Variants in SNX29 observed in about 807,000 individuals in gnomAD.
SNX29 encodes sorting nexin 29.
SNX29 carries 78 observed loss-of-function variants against 102.1 expected under a neutral mutation model. The observed-to-expected ratio is 0.76, with a 90% CI of 0.64 to 0.92. SNX29 has a LOEUF of 0.92. Ranked by LOEUF, SNX29 falls within the 40% of genes least tolerant of loss-of-function variation. The pLI is 0.00. For missense variants in SNX29, 1,280 were observed against 1,061.7 expected, an observed-to-expected ratio of 1.21 and a Z score of -2.86; for synonymous variants, 580 against 414.5, an observed-to-expected ratio of 1.40 and a Z score of -4.85.
chr16:12,501,569 A>G (rs947130081), intron 19 of SNX29, among the ~76,000 whole-genome samples: 1 of 151,896 alleles, frequency 6.6e-6, no homozygotes, highest in Non-Finnish European at 1.5e-5. Context: ...TAAAAATACA[A>G]AAATTAGCTG....
chr16:12,150,967 C>A (rs1341773604), intron 13 of SNX29, among the ~76,000 whole-genome samples: 1 of 152,178 alleles, frequency 6.6e-6, no homozygotes, highest in Non-Finnish European at 1.5e-5. Context: ...TTTCAGAGGA[C>A]CTTCCCAGCA....
intron 13 of SNX29, among the ~76,000 whole-genome samples, chr16:12,148,407 C>G (rs1427941725): frequency 6.6e-6 from 1 of 152,148 alleles, no homozygotes; most frequent in Non-Finnish European, 1.5e-5. Flanking sequence ...ATGGTCTCTG[C>G]CTCTCTTTCT....
intron 13 of SNX29, among the ~76,000 whole-genome samples, chr16:12,164,724 GT>G (rs377628772): frequency 2.3e-4 from 21 of 92,464 alleles, no homozygotes; most frequent in African/African-American, 9.9e-4. Flanking sequence ...TTTGGCTCTT[GT>G]TGTCCAGGCT....
At chr16:12,388,450 G>T (rs1485937518) in intron 16 of SNX29, among the ~76,000 whole-genome samples, 2 of 152,196 alleles carry the variant, frequency 1.3e-5, no homozygotes, top group African/African-American at 2.4e-5. Flanking sequence ...GGAGATCAAA[G>T]ATTTATTCCT....
chr16:12,552,867 G>A (rs558554804), intron 20 of SNX29, among the ~76,000 whole-genome samples: 1 of 152,344 alleles, frequency 6.6e-6, no homozygotes, highest in African/African-American at 2.4e-5. Context: ...AGATGGCAGG[G>A]CCTGGGGAGA....
At position 11,990,724 on chromosome 16, in the gene SNX29, T is replaced by C. The variant is rs368548955; in HGVS notation, c.8-8573T>C. On this transcript the variant is annotated intron_variant, in intron 1 of 20. Coordinates refer to ENST00000566228, the MANE Select transcript of SNX29 (RefSeq NM_032167.5). ...CTTGTTCCCTGCAAGACTCTGTATG[T>C]GGGGCCTTGGTTAGAGGGCAAGGGA... is the stretch of plus-strand genomic sequence containing the variant. Among the ~76,000 whole-genome samples, 28 of 152,158 alleles carry C rather than the reference T, an allele frequency of 1.8e-4. No homozygotes were observed. In the East Asian group the frequency reaches 5.0e-3, roughly 27 times the overall value.
intron 3 of SNX29, among the ~76,000 whole-genome samples, chr16:12,008,036 C>T (rs1311704576): frequency 6.6e-6 from 1 of 152,018 alleles, no homozygotes; most frequent in Non-Finnish European, 1.5e-5. Flanking sequence ...CTCTGCCTCC[C>T]AGGTTCACGC....
chr16:12,227,625 C>T (rs765438437), intron 14 of SNX29, among the ~76,000 whole-genome samples: 6 of 152,100 alleles, frequency 3.9e-5, no homozygotes, highest in African/African-American at 7.2e-5. Context: ...TGAGGCCGGG[C>T]GCGGTGGCTC....
rs533107097 is a variant in SNX29, at chr16:12,544,488, C to T, written c.2318+19647C>T. Among the ~76,000 whole-genome samples the T allele has an allele frequency of 6.8e-4, 103 of 152,208 alleles. 1 individual carries two copies. Among genetic ancestry groups the T allele is most frequent in the African/African-American group, 2.1e-3 (89 of 41,514 alleles). ...AAGAGGCCGATTTTATGATTGGGGTCGGCTGGGGTCTAGATGGCATTTTTC... is the reference window on the plus strand; with the variant it reads ...AAGAGGCCGATTTTATGATTGGGGTTGGCTGGGGTCTAGATGGCATTTTTC... On this transcript the variant is annotated intron_variant, in intron 20 of 20. Transcript: ENST00000566228.
chr16:12,127,372 C>T (rs898032798), intron 12 of SNX29, among the ~76,000 whole-genome samples: 1 of 151,970 alleles, frequency 6.6e-6, no homozygotes, highest in African/African-American at 2.4e-5. Flanking sequence ...ATTTCATCAC[C>T]CCCGAAAGAA....
intron 3 of SNX29, among the ~76,000 whole-genome samples, chr16:12,019,001 A>T (rs965434054): frequency 2.6e-5 from 4 of 152,184 alleles, no homozygotes; most frequent in African/African-American, 9.7e-5. Context: ...CTTTTAAAAA[A>T]TGCTATATCC....
rs1338156503 is a variant in SNX29, at chr16:12,078,525, C to T, written c.1320-308C>T. Among the ~76,000 whole-genome samples the T allele has an allele frequency of 3.9e-5, 6 of 152,086 alleles. No homozygotes were observed. The East Asian group carries it at 9.6e-4, about 24-fold the overall frequency. ...TTGTTTACGGTGTGAGATCTGAGGT[C>T]CCAGCTGTTCGACTTCAGCTGAGAT... On this transcript the variant is annotated intron_variant, in intron 10 of 20. Transcript: ENST00000566228.
At chr16:12,304,855 G>A (rs540144468) in intron 15 of SNX29, among the ~76,000 whole-genome samples, 6 of 152,140 alleles carry the variant, frequency 3.9e-5, no homozygotes, top group South Asian at 2.1e-4. Context: ...ATGATTTTAC[G>A]AGAACATTCT....
chr16:12,302,270 G>A (rs1306157112), intron 15 of SNX29, among the ~76,000 whole-genome samples: 1 of 152,178 alleles, frequency 6.6e-6, no homozygotes, highest in African/African-American at 2.4e-5. Context: ...TTATGAAACT[G>A]ATTTCCAAAA....
At chr16:12,128,697 C>T (rs1596993041) in intron 12 of SNX29, among the ~76,000 whole-genome samples, 1 of 152,162 alleles carries the variant, frequency 6.6e-6, no homozygotes, top group African/African-American at 2.4e-5. Context: ...AAGTGATCCA[C>T]CCGCCTTGGC....
chr16:12,048,855 A>G (rs1222916558), intron 7 of SNX29, among the ~76,000 whole-genome samples: 1 of 152,192 alleles, frequency 6.6e-6, no homozygotes, highest in East Asian at 1.9e-4. Flanking sequence ...AGCAAACGGA[A>G]AGTGAGAGTG....
intron 20 of SNX29, among the ~76,000 whole-genome samples, chr16:12,534,639 T>A (rs1372674262): frequency 1.3e-5 from 2 of 152,174 alleles, no homozygotes; most frequent in Non-Finnish European, 2.9e-5. Flanking sequence ...ATGGGTAAAA[T>A]TCACCTGAAG....
chr16:12,117,357 A>T, intron 11 of SNX29, among the ~76,000 whole-genome samples: 1 of 143,698 alleles, frequency 7.0e-6, no homozygotes, highest in East Asian at 2.1e-4. Flanking sequence ...AGGCGTGGTC[A>T]ATACGTGCTT....
At chr16:12,235,041 T>C (rs79755759) in intron 14 of SNX29, among the ~76,000 whole-genome samples, 1 of 152,104 alleles carries the variant, frequency 6.6e-6, no homozygotes, top group Non-Finnish European at 1.5e-5. Flanking sequence ...TCTTTGGCTT[T>C]GTCTCTTTCT....
Sources: allele counts gnomAD v4.1 joint callset (sites outside exome capture counted in the v4.1 genomes callset), GRCh38; gene constraint gnomAD v4.1.1; transcripts MANE v1.5; gene names NCBI Gene and HGNC (gene_info 2026-07-23, HGNC 2026-07-21).